The following CC2D2A variants were observed in gnomAD, a reference collection of about 807,000 sequenced individuals.
CC2D2A encodes coiled-coil and C2 domain-containing protein 2A.
A neutral mutation model predicts 212.9 loss-of-function variants in CC2D2A; 155 were observed. The observed-to-expected ratio is 0.73, with a 90% CI of 0.64 to 0.83. The LOEUF is 0.83. Among genes scored for constraint, CC2D2A ranks in the 40% least tolerant of loss-of-function variants. The pLI, the probability that CC2D2A is intolerant of heterozygous loss-of-function variation, is 0.00. For synonymous variants in CC2D2A, 667 were observed against 686.5 expected (o/e 0.97, Z 0.44); for missense variants, 1,856 against 1,956.2 (o/e 0.95, Z 0.97).
chr4:15,587,817 A>C lies in CC2D2A; in HGVS notation c.4067A>C (p.Gln1356Pro). ...ATAATTTTTTTTTCTTTTTGTCAGCAATTTCTTGATCTCCTGGCAGGGGAT... is the reference window on the plus strand; with the variant it reads ...ATAATTTTTTTTTCTTTTTGTCAGCCATTTCTTGATCTCCTGGCAGGGGAT... Reference protein sequence around the residue: ...GICDLWSTSDQFLDLLAGDEE... With the variant: ...GICDLWSTSDPFLDLLAGDEE... Residue 1356 changes from glutamine (Q) to proline (P), a missense_variant and splice_region_variant, in exon 32 of 37, where the codon CAA (glutamine) becomes CCA (proline). This residue lies in a region of CC2D2A where 36 missense variants were observed against 35.5 expected (regional missense o/e 1.02). Transcript: ENST00000424120. 6.3e-7 allele frequency: 1 copy of C among 1,586,856 alleles called. No homozygotes were observed.
At chr4:15,554,673 CA>C (rs966187535) in intron 19 of CC2D2A, among the ~76,000 whole-genome samples, 1 of 151,738 alleles carries the variant, frequency 6.6e-6, no homozygotes, top group East Asian at 1.9e-4. Context: ...AAGACTGTCT[CA>C]AAAAAAAGAG....
At chr4:15,597,989 G>A (rs1239466496) in intron 35 of CC2D2A, among the ~76,000 whole-genome samples, 1 of 152,118 alleles carries the variant, frequency 6.6e-6, no homozygotes, top group Non-Finnish European at 1.5e-5. Context: ...CAACCTTTCT[G>A]ATTTCAAGAC....
chr4:15,601,361 A>T lies in CC2D2A; in HGVS notation c.4799A>T (p.His1600Leu). 6.3e-7 allele frequency: 1 copy of T among 1,592,660 alleles called. No individual in the cohort carries two copies. Among genetic ancestry groups the T allele is most frequent in the African/African-American group, 1.3e-5 (1 of 74,576 alleles). The change falls in exon 37 of 37, where the codon CAC (histidine) becomes CTC (leucine). Residue 1600 changes from histidine to leucine, a missense_variant. Transcript: ENST00000424120. ...GAATTTGCTTTAGCTGTATACATAC[A>T]CCCATACCCCAAAAATGTTTTGTCT... ...NVEFALAVYIHPYPKNVLSVW... is the reference protein window; with the variant it reads ...NVEFALAVYILPYPKNVLSVW...
chr4:15,579,846 C>G (rs1017521204), intron 29 of CC2D2A, 122 bp from the exon 30 acceptor site: 13 of 743,910 alleles, frequency 1.7e-5, no homozygotes, highest in Non-Finnish European at 2.7e-5. Context: ...GACATGACAG[C>G]TTTGTAAGGA....
intron 19 of CC2D2A, 33 bp downstream of exon 19, chr4:15,553,338 T>C (rs1327437226): frequency 5.6e-6 from 9 of 1,605,934 alleles, no homozygotes; most frequent in Middle Eastern, 1.7e-4. Flanking sequence ...TGATGAGCAA[T>C]GTCAGTGTTA....
intron 4 of CC2D2A, among the ~76,000 whole-genome samples, chr4:15,500,107 G>GTGTGTGTGTGTATATATATATA (rs1479141284): frequency 8.0e-5 from 9 of 112,926 alleles, no homozygotes; most frequent in Non-Finnish European, 1.2e-4. Flanking sequence ...GTGTGTGTGT[G>GTGTGTGTGTGTATATATATATA]TATATATATA....
rs199688524 is a variant in CC2D2A, at chr4:15,586,186, T to A, written c.4005T>A (p.Ile1335=). 1.4e-4 allele frequency: 220 copies of A among 1,610,702 alleles called. 1 individual carries two copies. The highest frequency in any genetic ancestry group is 1.6e-4 in the Middle Eastern group (1 of 6,070). ...TGGTGGCTCGATATGTGTCCTTGAT[T>A]CCCTTCTTGCCTGACACTGTCTCAT... is the stretch of plus-strand genomic sequence containing the variant. ...AELVARYVSL[I]PFLPDTVSFG... The change falls in exon 31 of 37, where the codon ATT becomes ATA. Residue 1335 remains isoleucine (I), a synonymous_variant. Coordinates refer to ENST00000424120, the MANE Select transcript of CC2D2A (RefSeq NM_001378615.1).
At chr4:15,541,570 G>A (rs1208281055) in intron 17 of CC2D2A, among the ~76,000 whole-genome samples, 1 of 152,068 alleles carries the variant, frequency 6.6e-6, no homozygotes, top group Non-Finnish European at 1.5e-5. Context: ...CCTTGAGATG[G>A]GAGAGGGGTG....
chr4:15,536,100 G>T (rs556703594), intron 14 of CC2D2A, among the ~76,000 whole-genome samples: 128 of 152,252 alleles, frequency 8.4e-4, no homozygotes, highest in Non-Finnish European at 1.5e-3. Flanking sequence ...TTTGAACTGG[G>T]CTGATCTCCT....
chr4:15,546,405 C>A (rs1402017941), intron 17 of CC2D2A, among the ~76,000 whole-genome samples: 1 of 152,120 alleles, frequency 6.6e-6, no homozygotes, highest in Non-Finnish European at 1.5e-5. Flanking sequence ...TTAACATTAT[C>A]ATTTTTCCTT....
chr4:15,594,972 C>CA (rs756111270), intron 33 of CC2D2A, among the ~76,000 whole-genome samples: 3,397 of 144,574 alleles, frequency 0.023, 121 homozygotes, highest in African/African-American at 0.076. Flanking sequence ...GGCTACTTCT[C>CA]AAAAAAAAAA....
intron 16 of CC2D2A, 39 bp downstream of exon 16, chr4:15,538,176 G>A: frequency 6.7e-7 from 1 of 1,490,248 alleles, no homozygotes; most frequent in Non-Finnish European, 9.0e-7. Context: ...GCTGACATCT[G>A]ATACACATGT....
intron 1 of CC2D2A, among the ~76,000 whole-genome samples, chr4:15,471,785 A>G (rs2108960172): frequency 6.6e-6 from 1 of 152,234 alleles, no homozygotes; most frequent in Non-Finnish European, 1.5e-5. Flanking sequence ...GCCATCCTGG[A>G]GTAGGGCATA....
intron 33 of CC2D2A, among the ~76,000 whole-genome samples, chr4:15,592,656 T>C (rs1039457121): frequency 4.2e-4 from 64 of 152,202 alleles, no homozygotes; most frequent in African/African-American, 1.5e-3. Flanking sequence ...CCCTTAAAAA[T>C]AGAAGTTCCT....
At chr4:15,480,430 T>A (rs563910806) in intron 3 of CC2D2A, among the ~76,000 whole-genome samples, 1 of 152,218 alleles carries the variant, frequency 6.6e-6, no homozygotes, top group African/African-American at 2.4e-5. Context: ...TCCAAATTCC[T>A]GCAGAGCTCT....
intron 8 of CC2D2A, among the ~76,000 whole-genome samples, chr4:15,513,089 T>C (rs1213531045): frequency 6.6e-6 from 1 of 152,218 alleles, no homozygotes; most frequent in East Asian, 1.9e-4. Flanking sequence ...ATCTCCTCCC[T>C]TGAAAAATGC....
intron 17 of CC2D2A, among the ~76,000 whole-genome samples, chr4:15,548,498 C>T (rs933020437): frequency 6.6e-6 from 1 of 151,594 alleles, no homozygotes; most frequent in African/African-American, 2.4e-5. Flanking sequence ...GGTACCACTC[C>T]GAAAGGCCCT....
chr4:15,567,821 C>A, intron 26 of CC2D2A, 35 bp downstream of exon 26: 1 of 1,418,144 alleles, frequency 7.1e-7, no homozygotes, highest in Non-Finnish European at 9.6e-7. Context: ...AACTATAGGA[C>A]ATTTTGAAGA....
In CC2D2A at chr4:15,580,059, C is replaced by T; in HGVS notation, c.3863C>T (p.Thr1288Ile). The T allele has an allele frequency of 6.2e-7, 1 of 1,613,888 alleles. No homozygotes were observed. The highest frequency in any genetic ancestry group is 8.5e-7 in the Non-Finnish European group (1 of 1,179,804). ...AAGTTTCCAAATCGTCAGTGCCTTACAACAGTAATTGATATAAGCGGAAAA... is the reference window on the plus strand; with the variant it reads ...AAGTTTCCAAATCGTCAGTGCCTTATAACAGTAATTGATATAAGCGGAAAA... ...ALKFPNRQCL[T>I]TVIDISGKTV... is the part of the protein sequence containing the mutation. Residue 1288 changes from threonine (T) to isoleucine (I), a missense_variant, in exon 30 of 37, where the codon ACA becomes ATA. Transcript: ENST00000424120.
Sources: gnomAD v4.1 joint callset for allele counts (sites outside exome capture counted in the v4.1 genomes callset) on GRCh38, gnomAD v4.1.1 for gene constraint, gnomAD v4.1.1 regional missense constraint, MANE v1.5 for transcripts, NCBI Gene and HGNC (gene_info 2026-07-23, HGNC 2026-07-21) for gene names.